Variants in EGFR observed in about 807,000 individuals in gnomAD.
The protein encoded by EGFR is avian erythroblastic leukemia viral (v-erb-b) oncogene homolog.
A neutral mutation model predicts 143.0 loss-of-function variants in EGFR; 58 were observed. The observed-to-expected ratio is 0.41, with a 90% CI of 0.33 to 0.50. The LOEUF is 0.50. Ranked by LOEUF, EGFR falls within the 20% of genes least tolerant of loss-of-function variation. EGFR has a pLI of 0.39. For synonymous variants in EGFR, 613 were observed against 594.4 expected (o/e 1.03, Z -0.45); for missense variants, 1,307 against 1,579.0 (o/e 0.83, Z 2.92).
At chr7:55,060,511 A>C (rs1789104543) in intron 1 of EGFR, among the ~76,000 whole-genome samples, 1 of 152,184 alleles carries the variant, frequency 6.6e-6, no homozygotes, top group South Asian at 2.1e-4. Context: ...ATTTTTTCCT[A>C]GCATCTTTTC....
At chr7:55,168,780 A>G in intron 15 of EGFR, 1 of 538,522 alleles carries the variant, frequency 1.9e-6, no homozygotes, top group South Asian at 3.4e-5. Flanking sequence ...TAGGAATTAC[A>G]CGATAGAAAT....
chr7:55,193,114 C>T (rs975996810), intron 22 of EGFR, among the ~76,000 whole-genome samples: 1 of 151,970 alleles, frequency 6.6e-6, no homozygotes, highest in African/African-American at 2.4e-5. Flanking sequence ...ACGGCTCTCC[C>T]TGCAAAGTCC....
In EGFR at chr7:55,192,777, G is replaced by A. The variant is rs766161581; in HGVS notation, c.2637G>A (p.Lys879=). The change falls in exon 22 of 28, where the codon AAG becomes AAA. Residue 879 remains lysine (K), a synonymous_variant. Coordinates refer to ENST00000275493, the MANE Select transcript of EGFR (RefSeq NM_005228.5). ...YHAEGGKVPI[K]WMALESILHR... ...CTCACCATCCCAAGGTGCCTATCAA[G>A]TGGATGGCATTGGAATCAATTTTAC... 6.2e-7 allele frequency: 1 copy of A among 1,614,032 alleles called. No individual in the cohort carries two copies. The highest frequency in any genetic ancestry group is 1.1e-5 in the South Asian group (1 of 91,088).
Position 55,083,350 on chromosome 7 carries a change from A to C in EGFR, c.89-58936A>C, listed in dbSNP as rs796084863. The stretch of plus-strand genomic sequence containing the variant: ...TTCACTTCCTTGGTATTCTTTAGAC[A>C]ATAACTCAGCCTTGAACTCCAGTAA... On this transcript the variant is annotated intron_variant, in intron 1 of 27. Transcript: ENST00000275493. 3.3e-5 allele frequency among the ~76,000 whole-genome samples: 5 copies of C among 152,332 alleles called. No homozygotes were observed. In the South Asian group the frequency reaches 1.0e-3, roughly 32 times the overall value.
intron 1 of EGFR, among the ~76,000 whole-genome samples, chr7:55,072,025 CT>C (rs571152619): frequency 6.7e-4 from 101 of 151,696 alleles, no homozygotes; most frequent in Non-Finnish European, 1.2e-3. Context: ...ACCTGAAATA[CT>C]TTCGCACACA....
At chr7:55,168,248 A>G (rs1018355119) in intron 15 of EGFR, among the ~76,000 whole-genome samples, 4 of 152,244 alleles carry the variant, frequency 2.6e-5, no homozygotes, top group African/African-American at 4.8e-5. Context: ...TATTATCTGT[A>G]TAGAATAAAT....
At position 55,211,172 on chromosome 7, in the gene EGFR, C is replaced by A. The variant is rs1788228060; in HGVS notation, c.*5555C>A. 6.6e-6 allele frequency: 1 copy of A among 152,134 alleles called. No homozygotes were observed. The highest frequency in any genetic ancestry group is 2.4e-5 in the African/African-American group (1 of 41,426). The allele number at this position is 152,134 out of a possible 1,614,324, so 9.4% of individuals were successfully genotyped here. ...TAAGAAGCTCCACCCTATCACCTAG[C>A]AGATAAAACTATGGGGAAAACTTAA... On this transcript the variant is annotated 3_prime_UTR_variant, in exon 28 of 28. Transcript: ENST00000275493.
In EGFR at chr7:55,061,289, T is replaced by C. The variant is rs560710002; in HGVS notation, c.88+41924T>C. Reference sequence around the variant, plus strand: ...CCCAGCCCCGGGAAGGCTCCAGGCCTTCACAAACTGGCCCACCCACGAGAA... The same window carrying C: ...CCCAGCCCCGGGAAGGCTCCAGGCCCTCACAAACTGGCCCACCCACGAGAA... On this transcript the variant is annotated intron_variant, in intron 1 of 27. Coordinates refer to ENST00000275493, the MANE Select transcript of EGFR (RefSeq NM_005228.5). 1.7e-4 allele frequency among the ~76,000 whole-genome samples: 26 copies of C among 152,318 alleles called. 1 individual carries two copies. In the East Asian group the frequency reaches 4.1e-3, roughly 24 times the overall value.
intron 1 of EGFR, among the ~76,000 whole-genome samples, chr7:55,058,403 A>G (rs1303628089): frequency 6.6e-6 from 1 of 152,218 alleles, no homozygotes; most frequent in Non-Finnish European, 1.5e-5. Context: ...CAAAAAAAAA[A>G]AAAGAACCAC....
chr7:55,087,651 G>T (rs1790847577), intron 1 of EGFR, among the ~76,000 whole-genome samples: 1 of 152,202 alleles, frequency 6.6e-6, no homozygotes, highest in African/African-American at 2.4e-5. Flanking sequence ...CACATTCTTT[G>T]TGATGTTGTG....
chr7:55,092,298 G>A (rs1182174229), intron 1 of EGFR, among the ~76,000 whole-genome samples: 3 of 152,186 alleles, frequency 2.0e-5, no homozygotes, highest in Non-Finnish European at 4.4e-5. Context: ...AGAAGCCCAG[G>A]AGTGCCCTAG....
At chr7:55,113,730 T>C (rs1477529412) in intron 1 of EGFR, among the ~76,000 whole-genome samples, 1 of 152,268 alleles carries the variant, frequency 6.6e-6, no homozygotes, top group Non-Finnish European at 1.5e-5. Flanking sequence ...CAAACATCCC[T>C]GAATGTTTAG....
chr7:55,170,593 C>G (rs780086345), intron 15 of EGFR: 3 of 1,608,648 alleles, frequency 1.9e-6, no homozygotes, highest in Non-Finnish European at 2.5e-6. Context: ...TTTCTGCCAC[C>G]CCTGCACGTG....
rs74630340 is a variant in EGFR, at chr7:55,119,903, A to G, written c.89-22383A>G. On this transcript the variant is annotated intron_variant, in intron 1 of 27. Transcript: ENST00000275493. ...GAGTGTGTTAGAGATGCAGTTGGCCAGGTCCTCCAAAATCTCAGAATCTGC... is the reference window on the plus strand; with the variant it reads ...GAGTGTGTTAGAGATGCAGTTGGCCGGGTCCTCCAAAATCTCAGAATCTGC... Among the ~76,000 whole-genome samples the G allele has an allele frequency of 8.5e-3, 1,289 of 152,326 alleles. 21 individuals carry two copies. The highest frequency in any genetic ancestry group is 0.029 in the African/African-American group (1,199 of 41,580).
chr7:55,201,144 C>T (rs2128971368), intron 24 of EGFR, 44 bp from the exon 25 acceptor site: 1 of 1,613,354 alleles, frequency 6.2e-7, no homozygotes, highest in South Asian at 1.1e-5. Flanking sequence ...AGTGGAATAG[C>T]ATCTCTACGG....
At chr7:55,139,612 C>A (rs927347029) in intron 1 of EGFR, among the ~76,000 whole-genome samples, 1 of 152,136 alleles carries the variant, frequency 6.6e-6, no homozygotes, top group Non-Finnish European at 1.5e-5. Flanking sequence ...GATTGACATG[C>A]CTTATATTGA....
At chr7:55,095,520 G>A (rs1460970231) in intron 1 of EGFR, among the ~76,000 whole-genome samples, 3 of 152,170 alleles carry the variant, frequency 2.0e-5, no homozygotes, top group Non-Finnish European at 4.4e-5. Context: ...GGGCAGCTTG[G>A]GAGTGTGGGC....
In EGFR at chr7:55,155,884, G is replaced by A. The variant is rs745658347; in HGVS notation, c.944G>A (p.Ser315Asn). 5.6e-6 allele frequency: 9 copies of A among 1,614,090 alleles called. No individual in the cohort carries two copies. The highest frequency in any genetic ancestry group is 7.6e-6 in the Non-Finnish European group (9 of 1,180,038). The change falls in exon 8 of 28, where the codon AGC (serine) becomes AAC (asparagine). Residue 315 changes from serine to asparagine, a missense_variant. Coordinates refer to ENST00000275493, the MANE Select transcript of EGFR (RefSeq NM_005228.5). ...TGCGTCCGAGCCTGTGGGGCCGACA[G>A]CTATGAGATGGAGGAAGACGGCGTC... ...GSCVRACGAD[S>N]YEMEEDGVRK...
At chr7:55,105,528 G>C (rs183286366) in intron 1 of EGFR, among the ~76,000 whole-genome samples, 2 of 152,288 alleles carry the variant, frequency 1.3e-5, no homozygotes, top group Middle Eastern at 3.4e-3. Context: ...GTATCCTAAC[G>C]TGGACACTAA....
Sources: allele counts gnomAD v4.1 joint callset (sites outside exome capture counted in the v4.1 genomes callset), GRCh38; gene constraint gnomAD v4.1.1; transcripts MANE v1.5; gene names NCBI Gene and HGNC (gene_info 2026-07-23, HGNC 2026-07-21).